ABI3BP: variants seen among roughly 807,000 people sequenced by gnomAD.
The protein encoded by ABI3BP is target of Nesh-SH3.
Under a neutral mutation model 268.6 loss-of-function variants are expected in ABI3BP, and 216 were observed. The observed-to-expected ratio is 0.80, with a 90% CI of 0.72 to 0.90. The LOEUF is 0.90. Among genes scored for constraint, ABI3BP ranks in the 40% least tolerant of loss-of-function variants. ABI3BP has a pLI of 0.00. For synonymous variants in ABI3BP, 730 were observed against 730.0 expected (o/e 1.00, Z 0.00); for missense variants, 2,090 against 2,182.4 (o/e 0.96, Z 0.84).
Position 100,828,434 on chromosome 3 carries a change from T to C in ABI3BP, c.2561A>G (p.Glu854Gly). 1.3e-6 allele frequency: 2 copies of C among 1,535,180 alleles called. No homozygotes were observed. The highest frequency in any genetic ancestry group is 1.7e-6 in the Non-Finnish European group (2 of 1,146,322). Residue 854 changes from glutamate to glycine, a missense_variant, in exon 34 of 68, where the codon GAA (glutamate) becomes GGA (glycine). By Grantham distance (98) the Glu-to-Gly change is moderately conservative (BLOSUM62 -2). Coordinates refer to ENST00000471714, the MANE Select transcript of ABI3BP (RefSeq NM_001375547.2). ...QTELVPATIF[E>G]PVSPIKEAPG... ...AGCCTCTTTTATAGGAGAAACTGGT[T>C]CAAAGATTGTAGCAGGAACTGGCCA...
Position 100,770,732 on chromosome 3 carries a change from C to A in ABI3BP, c.4741+11G>T. 1 of 1,471,426 alleles carries A rather than the reference C, an allele frequency of 6.8e-7. No homozygotes were observed. Among genetic ancestry groups the A allele is most frequent in the Non-Finnish European group, 9.0e-7 (1 of 1,107,606 alleles). The allele number at this position is 1,471,426 out of a possible 1,614,324, so 91.1% of individuals were successfully genotyped here. A position where few individuals can be genotyped will look rare whatever the true frequency, so the allele number is the denominator to read the frequency against. On this transcript the variant is annotated intron_variant, in intron 62 of 67. Coordinates refer to ENST00000471714, the MANE Select transcript of ABI3BP (RefSeq NM_001375547.2). ...CTTCCCACCATAACAGTCCTCATGCCATGATCTTACCAGTGACAGTGTCAT... is the reference window on the plus strand; with the variant it reads ...CTTCCCACCATAACAGTCCTCATGCAATGATCTTACCAGTGACAGTGTCAT...
chr3:100,774,711 T>C (rs1559974849), intron 60 of ABI3BP, 38 bp from the exon 61 acceptor site: 2 of 1,434,406 alleles, frequency 1.4e-6, no homozygotes, highest in Non-Finnish European at 1.9e-6. Context: ...TGGCAAAAGA[T>C]AAAAAAGCTT....
chr3:100,792,602 T>G lies in ABI3BP; in HGVS notation c.4024+89A>C, dbSNP rs989795. 7 of 1,343,512 alleles carry G rather than the reference T, an allele frequency of 5.2e-6. No homozygotes were observed. The Admixed American group carries it at 9.5e-5, about 18-fold the overall frequency. 83.2% of individuals were successfully genotyped at this position (1,343,512 alleles called of 1,614,324 possible). ...AAAAAAAGTCAAGTAATCCACTGTGTTGAGAAATGACATTCTGAAAGAAAA... is the reference window on the plus strand; with the variant it reads ...AAAAAAAGTCAAGTAATCCACTGTGGTGAGAAATGACATTCTGAAAGAAAA... On this transcript the variant is annotated intron_variant, in intron 55 of 67. Transcript: ENST00000471714.
At chr3:100,990,991 G>A (rs946506766) in intron 1 of ABI3BP, among the ~76,000 whole-genome samples, 1 of 152,174 alleles carries the variant, frequency 6.6e-6, no homozygotes, top group Admixed American at 6.5e-5. Flanking sequence ...ACTTATTTAT[G>A]AAATTAAATT....
chr3:100,866,768 G>T, intron 10 of ABI3BP, 111 bp downstream of exon 10: 2 of 889,462 alleles, frequency 2.2e-6, no homozygotes, highest in Non-Finnish European at 3.4e-6. Flanking sequence ...TTGCATTTAT[G>T]ATCAAAATGT....
chr3:100,850,496 G>A (rs928949852), intron 16 of ABI3BP, among the ~76,000 whole-genome samples, 164 bp downstream of exon 16: 5 of 152,008 alleles, frequency 3.3e-5, no homozygotes, highest in Admixed American at 6.6e-5. Context: ...TAAATGGAAC[G>A]TAAAAGATGA....
intron 1 of ABI3BP, among the ~76,000 whole-genome samples, chr3:100,976,749 C>A (rs1328579957): frequency 6.6e-6 from 1 of 152,174 alleles, no homozygotes; most frequent in African/African-American, 2.4e-5. Context: ...CCAGGAGGCC[C>A]ATTTGTTCCT....
chr3:100,993,126 A>G (rs2093210971), intron 1 of ABI3BP, among the ~76,000 whole-genome samples, 180 bp downstream of exon 1: 1 of 152,238 alleles, frequency 6.6e-6, no homozygotes, highest in African/African-American at 2.4e-5. Context: ...GTAATTGAAA[A>G]GTAAATAACA....
chr3:100,825,088 C>A, intron 35 of ABI3BP, 147 bp from the exon 36 acceptor site: 1 of 674,532 alleles, frequency 1.5e-6, no homozygotes, highest in Non-Finnish European at 2.4e-6. Flanking sequence ...TATAACGATG[C>A]GTCATTTTAT....
intron 17 of ABI3BP, 80 bp from the exon 18 acceptor site, chr3:100,848,955 C>G (rs6807452): frequency 1.7e-6 from 2 of 1,180,848 alleles, no homozygotes. Context: ...TTTGCAAACT[C>G]CAAGTACAAG....
intron 7 of ABI3BP, among the ~76,000 whole-genome samples, chr3:100,875,853 G>GCTTT (rs941025197): frequency 2.6e-5 from 4 of 152,096 alleles, no homozygotes; most frequent in African/African-American, 9.7e-5. Flanking sequence ...ATTCCCTGAA[G>GCTTT]CTTTCCTTTT....
intron 26 of ABI3BP, 125 bp downstream of exon 26, chr3:100,838,085 A>C (rs1229196536): frequency 9.1e-7 from 1 of 1,097,570 alleles, no homozygotes; most frequent in Non-Finnish European, 1.3e-6. Flanking sequence ...TACTTGGAGA[A>C]GATAATGAAC....
intron 59 of ABI3BP, among the ~76,000 whole-genome samples, chr3:100,776,847 C>T (rs1202597207): frequency 1.3e-5 from 2 of 152,176 alleles, no homozygotes; most frequent in Admixed American, 1.3e-4. Context: ...GCAAGAAGGC[C>T]ATCAAACAGC....
intron 66 of ABI3BP, chr3:100,752,586 A>T: frequency 2.0e-6 from 1 of 506,676 alleles, no homozygotes; most frequent in Non-Finnish European, 3.4e-6. Context: ...TTGCATTTTT[A>T]TTATTTACCT....
intron 2 of ABI3BP, among the ~76,000 whole-genome samples, chr3:100,920,416 CTTTT>C (rs956799671): frequency 6.6e-6 from 1 of 151,842 alleles, no homozygotes; most frequent in African/African-American, 2.4e-5. Context: ...ATATTAGCTT[CTTTT>C]TTTTAAATTT....
intron 17 of ABI3BP, among the ~76,000 whole-genome samples, chr3:100,849,777 G>T (rs1281733686): frequency 6.6e-6 from 1 of 152,154 alleles, no homozygotes; most frequent in East Asian, 1.9e-4. Context: ...CTATAATTCT[G>T]CTGCTAGTTT....
intron 62 of ABI3BP, among the ~76,000 whole-genome samples, chr3:100,768,790 T>C (rs1174675054): frequency 3.3e-5 from 5 of 152,236 alleles, no homozygotes; most frequent in African/African-American, 1.2e-4. Flanking sequence ...TGGTCTGGGA[T>C]TTAAATCTGT....
At chr3:100,831,955 T>C (rs892480271) in intron 31 of ABI3BP, among the ~76,000 whole-genome samples, 1 of 152,186 alleles carries the variant, frequency 6.6e-6, no homozygotes, top group East Asian at 1.9e-4. Flanking sequence ...CTAATATGGC[T>C]TTGGGGAATT....
intron 38 of ABI3BP, among the ~76,000 whole-genome samples, chr3:100,822,001 C>T (rs2098245587): frequency 6.6e-6 from 1 of 152,088 alleles, no homozygotes. Context: ...CACCCTTCTA[C>T]TCATCCCTGT....
Sources: allele counts gnomAD v4.1 joint callset (sites outside exome capture counted in the v4.1 genomes callset), GRCh38; gene constraint gnomAD v4.1.1; transcripts MANE v1.5; gene names NCBI Gene and HGNC (gene_info 2026-07-23, HGNC 2026-07-21).